The following SCN1A variants were observed in gnomAD, a reference collection of about 807,000 sequenced individuals.
SCN1A encodes the protein sodium channel protein type 1 subunit alpha.
In SCN1A, 13 loss-of-function variants were observed where a neutral mutation model predicts 193.7. That is an observed-to-expected ratio of 0.07 (90% CI 0.04 to 0.11). The LOEUF (loss-of-function observed/expected upper bound fraction) is 0.11. Among genes scored for constraint, SCN1A ranks in the 10% least tolerant of loss-of-function variants. SCN1A has a pLI of 1.00. For synonymous variants in SCN1A, 781 were observed against 843.6 expected (o/e 0.93, Z 1.29); for missense variants, 1,432 against 2,451.1 (o/e 0.58, Z 8.78).
intron 3 of SCN1A, chr2:166,077,132 C>G (rs1408949964): frequency 6.6e-6 from 1 of 151,706 alleles, no homozygotes; most frequent in African/African-American, 2.4e-5. Context: ...TCTTCACTGC[C>G]ATTTTGGAAC....
intron 5 of SCN1A, among the ~76,000 whole-genome samples, chr2:166,057,337 GACATA>G (rs1301469177): frequency 6.6e-6 from 1 of 151,788 alleles, no homozygotes; most frequent in Non-Finnish European, 1.5e-5. Context: ...CAAATGAACA[GACATA>G]ACAGAATTAT....
chr2:166,049,033 T>C (rs1698218692), intron 9 of SCN1A, 84 bp from the exon 10 acceptor site: 1 of 832,344 alleles, frequency 1.2e-6, no homozygotes, highest in Admixed American at 1.8e-5. Context: ...GGTTCTACTT[T>C]TAAGTTTATT....
At chr2:166,031,135 A>G (rs1471970010) in intron 19 of SCN1A, among the ~76,000 whole-genome samples, 1 of 152,154 alleles carries the variant, frequency 6.6e-6, no homozygotes, top group Non-Finnish European at 1.5e-5. Context: ...GAGAGGATGA[A>G]ATGTGACTCA....
rs985473996 is a variant in SCN1A, at chr2:166,036,316, A to C, written c.3161T>G (p.Leu1054Arg). The change falls in exon 19 of 29, where the codon CTA (leucine) becomes CGA (arginine). Residue 1054 changes from leucine to arginine, a missense_variant. Transcript: ENST00000674923. ...ILDEIKPLDDLNNKKDSCMSN... is the reference protein window; with the variant it reads ...ILDEIKPLDDRNNKKDSCMSN... ...CATACAACTGTCTTTCTTGTTGTTT[A>C]GATCATCAAGTGGTTTAATTTCATC... is the stretch of plus-strand genomic sequence containing the variant. 2.2e-5 allele frequency: 35 copies of C among 1,613,206 alleles called. No homozygotes were observed. The highest frequency in any genetic ancestry group is 2.7e-5 in the Non-Finnish European group (32 of 1,179,666).
At chr2:166,102,585 A>C (rs1325376266) in intron 2 of SCN1A, among the ~76,000 whole-genome samples, 3 of 152,006 alleles carry the variant, frequency 2.0e-5, no homozygotes, top group Non-Finnish European at 4.4e-5. Flanking sequence ...GGGAACACTT[A>C]TACACTGGTG....
intron 24 of SCN1A, among the ~76,000 whole-genome samples, chr2:166,000,472 A>G (rs1371868565): frequency 6.6e-6 from 1 of 151,710 alleles, no homozygotes; most frequent in Non-Finnish European, 1.5e-5. Context: ...CAGGCTAACA[A>G]CTTACAGTAA....
intron 21 of SCN1A, among the ~76,000 whole-genome samples, chr2:166,012,612 C>CTTTTTTTT (rs60890420): frequency 3.4e-4 from 26 of 77,218 alleles, no homozygotes; most frequent in African/African-American, 5.7e-4. Context: ...CTTCTATTGG[C>CTTTTTTTT]TTTTTTTTTT....
intron 1 of SCN1A, among the ~76,000 whole-genome samples, chr2:166,134,612 G>A (rs1691784458): frequency 6.6e-6 from 1 of 152,168 alleles, no homozygotes; most frequent in South Asian, 2.1e-4. Flanking sequence ...GCAGAGTGTA[G>A]CATTGACAGC....
rs908622411 is a variant in SCN1A, at chr2:166,138,528, C to T, written c.-50+10519G>A. ...AAGCCTCAAGCCTTGGCAGCTCCCACGTGGTGTTGAGCCGGCAAGTGCACA... is the reference window on the plus strand; with the variant it reads ...AAGCCTCAAGCCTTGGCAGCTCCCATGTGGTGTTGAGCCGGCAAGTGCACA... On this transcript the variant is annotated intron_variant, in intron 1 of 26. Coordinates refer to the SCN1A transcript ENST00000635750. Among the ~76,000 whole-genome samples, 11 of 152,288 alleles carry T rather than the reference C, an allele frequency of 7.2e-5. 1 individual carries two copies. The highest frequency in any genetic ancestry group is 3.4e-3 in the Middle Eastern group (1 of 294).
At chr2:166,050,782 A>G (rs968023228) in intron 9 of SCN1A, among the ~76,000 whole-genome samples, 1 of 149,754 alleles carries the variant, frequency 6.7e-6, no homozygotes, top group African/African-American at 2.5e-5. Context: ...CCCAACTAAC[A>G]TTTTCTATTA....
intron 1 of SCN1A, among the ~76,000 whole-genome samples, chr2:166,140,377 A>T (rs4233807): frequency 0.81 from 122,892 of 152,160 alleles, 50,238 homozygotes; most frequent in African/African-American, 0.94. Flanking sequence ...CATTTCTACA[A>T]GTAGCTGACC....
At position 166,038,087 on chromosome 2, in the gene SCN1A, G is replaced by A; in HGVS notation, c.2635C>T (p.Leu879=). Residue 879 remains leucine (L), a synonymous_variant, in exon 18 of 29, where the codon CTA becomes TTA. Transcript: ENST00000674923. The part of the protein sequence containing the change: ...LAKSWPTLNM[L]IKIIGNSVGA... ...ACGGAATTGCCGATGATCTTTATTA[G>A]CATATTTAACGTTGGCCAAGATTTT... 1 of 1,613,874 alleles carries A rather than the reference G, an allele frequency of 6.2e-7. No individual in the cohort carries two copies. Among genetic ancestry groups the A allele is most frequent in the Non-Finnish European group, 8.5e-7 (1 of 1,179,808 alleles).
intron 2 of SCN1A, among the ~76,000 whole-genome samples, chr2:166,101,847 G>A (rs764452811): frequency 3.3e-5 from 5 of 152,116 alleles, no homozygotes; most frequent in Non-Finnish European, 7.4e-5. Context: ...AAAAGCAATT[G>A]CAACAAAACC....
At chr2:166,018,146 G>A (rs1262531304) in intron 19 of SCN1A, among the ~76,000 whole-genome samples, 1 of 151,854 alleles carries the variant, frequency 6.6e-6, no homozygotes. Flanking sequence ...AAAGTATACT[G>A]ATACACTGAT....
At chr2:165,985,337 AG>A (rs1688547151), downstream of SCN1A, 2 of 150,066 alleles carry the variant, frequency 1.3e-5, no homozygotes, top group South Asian at 2.1e-4. Flanking sequence ...GAAAGGTAGG[AG>A]GGGGAGGTAA....
At chr2:166,107,069 T>C (rs1688774265) in intron 2 of SCN1A, among the ~76,000 whole-genome samples, 1 of 152,180 alleles carries the variant, frequency 6.6e-6, no homozygotes, top group East Asian at 1.9e-4. Context: ...AGAAACTTAC[T>C]GCTTATTCTT....
At position 166,098,098 on chromosome 2, in the gene SCN1A, A is replaced by G. The variant is rs1262342225; in HGVS notation, c.-141-20297T>C. The stretch of plus-strand genomic sequence containing the variant: ...AACTTTAAGCTAACATCCCTGATGA[A>G]TATAGACACAAAAATCCTCAACAAA... On this transcript the variant is annotated intron_variant, in intron 2 of 28. Transcript: ENST00000674923. Among the ~76,000 whole-genome samples, 3 of 152,224 alleles carry G rather than the reference A, an allele frequency of 2.0e-5. 1 individual carries two copies. The highest frequency in any genetic ancestry group is 4.4e-5 in the Non-Finnish European group (3 of 68,032).
intron 2 of SCN1A, among the ~76,000 whole-genome samples, chr2:166,098,794 A>G (rs1162370755): frequency 6.6e-6 from 1 of 152,196 alleles, no homozygotes; most frequent in Non-Finnish European, 1.5e-5. Context: ...CTAGTAACAC[A>G]GCTAACCAGG....
At chr2:166,145,159 T>A (rs1692263515) in intron 1 of SCN1A, among the ~76,000 whole-genome samples, 2 of 24,576 alleles carry the variant, frequency 8.1e-5, no homozygotes, top group Admixed American at 9.2e-4. Context: ...TTTTTTTTTT[T>A]TTTTTTTTTT....
Sources: gnomAD v4.1 joint callset for allele counts (sites outside exome capture counted in the v4.1 genomes callset) on GRCh38, gnomAD v4.1.1 for gene constraint, MANE v1.5 for transcripts, NCBI Gene and HGNC (gene_info 2026-07-23, HGNC 2026-07-21) for gene names.